The following CYP2C18 variants were observed in gnomAD, a reference collection of about 807,000 sequenced individuals.
The protein encoded by CYP2C18 is cytochrome P450 family 2 subfamily C member 18, also known as cytochrome P450 2C18.
A neutral mutation model predicts 41.3 loss-of-function variants in CYP2C18; 38 were observed. The observed-to-expected ratio is 0.92, with a 90% confidence interval of 0.71 to 1.21. The LOEUF (loss-of-function observed/expected upper bound fraction) is 1.21. Among genes scored for constraint, CYP2C18 ranks in the 50% most tolerant of loss-of-function variants. The probability of loss-of-function intolerance (pLI) is 0.00; values close to 1 mark genes in which losing one functional copy is unlikely to be tolerated. For synonymous variants in CYP2C18, 236 were observed against 210.0 expected, an observed-to-expected ratio of 1.12 and a Z score of -1.07; for missense variants, 635 against 591.4, an observed-to-expected ratio of 1.07 and a Z score of -0.77.
chr10:94,684,402 T>A (rs756307773), intron 1 of CYP2C18, among the ~76,000 whole-genome samples: 18 of 152,146 alleles, frequency 1.2e-4, no homozygotes, highest in Admixed American at 3.9e-4. Flanking sequence ...TCTCTACTTC[T>A]CTGAGTTTAA....
rs545798981 is a variant in CYP2C18 at position 94,688,223 on chromosome 10, C to T, written c.430C>T (p.Arg144Cys). ...GATGGGGAAGAGGAGCATCGAGGAC[C>T]GTGTTCAAGAGGAAGCCCGCTGCCT... ...FGMGKRSIED[R>C]VQEEARCLVE... The change falls in exon 3 of 9, where the codon CGT (arginine) becomes TGT (cysteine). Residue 144 changes from arginine (R) to cysteine (C), a missense_variant. Transcript: ENST00000285979. 1.8e-5 allele frequency: 29 copies of T among 1,613,360 alleles called. No homozygotes were observed. Among genetic ancestry groups the T allele is most frequent in the South Asian group, 1.5e-4 (14 of 91,022 alleles).
At chr10:94,728,536 C>A (rs888743076) in intron 7 of CYP2C18, 3 of 469,630 alleles carry the variant, frequency 6.4e-6, no homozygotes, top group African/African-American at 4.2e-5. Flanking sequence ...TAAATTTATC[C>A]TTCCTTCTGT....
intron 7 of CYP2C18, 68 bp downstream of exon 7, chr10:94,724,601 A>G (rs1359940212): frequency 7.3e-7 from 1 of 1,377,538 alleles, no homozygotes; most frequent in Admixed American, 1.7e-5. Context: ...TATAGTCCCA[A>G]TCCTCTAACA....
chr10:94,712,386 C>G (rs1174114219), intron 5 of CYP2C18, among the ~76,000 whole-genome samples: 2 of 151,688 alleles, frequency 1.3e-5, no homozygotes, highest in Non-Finnish European at 2.9e-5. Context: ...GCATTCTACT[C>G]TCTTCTATGA....
chr10:94,701,985 A>G (rs1043631693), intron 4 of CYP2C18, among the ~76,000 whole-genome samples: 5 of 152,096 alleles, frequency 3.3e-5, no homozygotes, highest in African/African-American at 1.2e-4. Flanking sequence ...TCATAAAACA[A>G]TGTCACTGGT....
chr10:94,732,446 T>C (rs1440926379), intron 7 of CYP2C18, among the ~76,000 whole-genome samples: 1 of 152,090 alleles, frequency 6.6e-6, no homozygotes, highest in Admixed American at 6.6e-5. Context: ...AGAACTACAA[T>C]TTGATCCAGC....
At chr10:94,720,669 T>G in intron 6 of CYP2C18, 132 bp downstream of exon 6, 1 of 882,554 alleles carries the variant, frequency 1.1e-6, no homozygotes, top group Non-Finnish European at 1.7e-6. Flanking sequence ...CTCTAAGTTG[T>G]CTAAATATGA....
chr10:94,693,864 T>C (rs1847062525), intron 3 of CYP2C18, among the ~76,000 whole-genome samples: 1 of 152,192 alleles, frequency 6.6e-6, no homozygotes, highest in Non-Finnish European at 1.5e-5. Flanking sequence ...TATTTAAAAA[T>C]TGCCCTTTCC....
intron 4 of CYP2C18, among the ~76,000 whole-genome samples, chr10:94,699,255 G>A (rs886709642): frequency 6.6e-6 from 1 of 152,172 alleles, no homozygotes; most frequent in African/African-American, 2.4e-5. Flanking sequence ...ACCGAATCCA[G>A]CAGCACATCA....
intron 6 of CYP2C18, among the ~76,000 whole-genome samples, chr10:94,721,032 G>A (rs1847637141): frequency 6.7e-6 from 1 of 149,882 alleles, no homozygotes. Context: ...CTTTTTTTTT[G>A]AGACAGAGTC....
chr10:94,733,946 G>C (rs563637830), intron 8 of CYP2C18, among the ~76,000 whole-genome samples: 1 of 152,146 alleles, frequency 6.6e-6, no homozygotes, highest in East Asian at 1.9e-4. Context: ...AAGGCTGCCA[G>C]AGGGGAAAGC....
At chr10:94,695,931 G>A (rs1357755823) in intron 4 of CYP2C18, among the ~76,000 whole-genome samples, 1 of 151,964 alleles carries the variant, frequency 6.6e-6, no homozygotes. Context: ...AATGAGGCTG[G>A]GGGAGGGGGG....
Position 94,688,113 on chromosome 10 carries a change from C to T in CYP2C18, c.332-12C>T. The T allele has an allele frequency of 6.2e-7, 1 of 1,613,278 alleles. No homozygotes were observed. Among genetic ancestry groups the T allele is most frequent in the Non-Finnish European group, 8.5e-7 (1 of 1,179,660 alleles). ...GATTCTCCCTCGTAGCTTCTGTTTT[C>T]TGTTCTGCTAGGAATCCTTTTCAGC... On this transcript the variant is annotated splice_polypyrimidine_tract_variant and intron_variant, in intron 2 of 8. Transcript: ENST00000285979.
At chr10:94,704,833 G>T (rs1445801969) in intron 4 of CYP2C18, among the ~76,000 whole-genome samples, 1 of 152,168 alleles carries the variant, frequency 6.6e-6, no homozygotes, top group Non-Finnish European at 1.5e-5. Context: ...TCTACTGTGT[G>T]CCTTAACTAT....
chr10:94,715,178 T>C (rs561970940), intron 5 of CYP2C18, among the ~76,000 whole-genome samples: 2 of 152,312 alleles, frequency 1.3e-5, no homozygotes, highest in South Asian at 4.1e-4. Flanking sequence ...TATTTCTTTC[T>C]CCTGCCTGAT....
intron 7 of CYP2C18, among the ~76,000 whole-genome samples, chr10:94,724,833 C>A (rs1264575788): frequency 6.6e-6 from 1 of 151,826 alleles, no homozygotes; most frequent in African/African-American, 2.4e-5. Flanking sequence ...GTCAATTTCC[C>A]AAAACACTGT....
In CYP2C18 at chr10:94,735,712, A is replaced by G; in HGVS notation, c.*268A>G. 1 of 435,848 alleles carries G rather than the reference A, an allele frequency of 2.3e-6. No individual in the cohort carries two copies. 27.0% of individuals were successfully genotyped at this position (435,848 alleles called of 1,614,324 possible). On this transcript the variant is annotated 3_prime_UTR_variant, in exon 9 of 9. Transcript: ENST00000285979. The stretch of plus-strand genomic sequence containing the variant: ...AATACCTATCTACTGCTGAGTTGTC[A>G]GTATGTTATCACTAGAAAACAAAGA...
intron 7 of CYP2C18, among the ~76,000 whole-genome samples, chr10:94,727,066 T>C (rs1847754342): frequency 6.6e-6 from 1 of 152,140 alleles, no homozygotes; most frequent in Non-Finnish European, 1.5e-5. Flanking sequence ...TTATTTACTT[T>C]TCATTACTTT....
At chr10:94,690,515 C>A (rs1846977704) in intron 3 of CYP2C18, among the ~76,000 whole-genome samples, 1 of 152,164 alleles carries the variant, frequency 6.6e-6, no homozygotes, top group Non-Finnish European at 1.5e-5. Flanking sequence ...AGACCAATAA[C>A]AGTCTCTGAA....
Sources: allele counts gnomAD v4.1 joint callset (sites outside exome capture counted in the v4.1 genomes callset), GRCh38; gene constraint gnomAD v4.1.1; transcripts MANE v1.5; gene names NCBI Gene and HGNC (gene_info 2026-07-23, HGNC 2026-07-21).